The following SLIT3 variants were observed in gnomAD, a reference collection of about 807,000 sequenced individuals.
SLIT3 encodes slit guidance ligand 3.
SLIT3 carries 68 observed loss-of-function variants against 184.0 expected under a neutral mutation model. The ratio of observed to expected loss-of-function variants is 0.37; its 90% CI spans 0.30 to 0.45. The LOEUF (loss-of-function observed/expected upper bound fraction) is 0.45, where lower values mean the gene tolerates loss of function less well. SLIT3 is among the 20% of genes least tolerant of loss of function. SLIT3 has a pLI of 1.00. For missense variants in SLIT3, 1,707 were observed against 2,026.0 expected, an observed-to-expected ratio of 0.84 and a Z score of 3.02; for synonymous variants, 831 against 828.6, an observed-to-expected ratio of 1.00 and a Z score of -0.05.
At chr5:169,099,271 AAGAC>A (rs1227745650) in intron 4 of SLIT3, among the ~76,000 whole-genome samples, 1 of 152,076 alleles carries the variant, frequency 6.6e-6, no homozygotes, top group Non-Finnish European at 1.5e-5. Flanking sequence ...AGAAGCCCCC[AAGAC>A]AGTGGCCTTG....
intron 5 of SLIT3, among the ~76,000 whole-genome samples, chr5:168,881,101 CCTT>C (rs1359735474): frequency 1.8e-4 from 27 of 152,148 alleles, no homozygotes; most frequent in Admixed American, 4.6e-4. Flanking sequence ...ACTCCCCTTT[CCTT>C]CTTCCCCGCA....
chr5:168,984,801 A>T (rs987853847), intron 4 of SLIT3, among the ~76,000 whole-genome samples: 17 of 152,164 alleles, frequency 1.1e-4, no homozygotes, highest in Admixed American at 2.6e-4. Context: ...ATCACAGAAA[A>T]ACATCCCAAA....
At chr5:168,757,050 C>T (rs1436341343) in intron 16 of SLIT3, among the ~76,000 whole-genome samples, 2 of 152,340 alleles carry the variant, frequency 1.3e-5, no homozygotes, top group Non-Finnish European at 2.9e-5. Context: ...CTCGCAACTA[C>T]AGGCAGCAGT....
intron 3 of SLIT3, among the ~76,000 whole-genome samples, chr5:169,238,587 T>C (rs1390708093): frequency 6.9e-6 from 1 of 145,326 alleles, no homozygotes; most frequent in Non-Finnish European, 1.5e-5. Context: ...CTAGAGCTCA[T>C]TCTGGTTTTT....
intron 5 of SLIT3, among the ~76,000 whole-genome samples, chr5:168,852,677 T>C (rs927232799): frequency 6.6e-6 from 1 of 152,224 alleles, no homozygotes; most frequent in African/African-American, 2.4e-5. Flanking sequence ...TTGAATTTTT[T>C]CACATTTCTA....
intron 8 of SLIT3, among the ~76,000 whole-genome samples, chr5:168,814,488 A>G (rs996753467): frequency 1.3e-5 from 2 of 152,162 alleles, no homozygotes; most frequent in Non-Finnish European, 2.9e-5. Flanking sequence ...TGTGGGGCTC[A>G]GGCATTGGGG....
intron 4 of SLIT3, among the ~76,000 whole-genome samples, chr5:168,964,872 C>T (rs904474406): frequency 6.6e-6 from 1 of 152,112 alleles, no homozygotes; most frequent in Non-Finnish European, 1.5e-5. Flanking sequence ...CCACTAGGGC[C>T]CTTAATACAT....
At chr5:169,125,965 T>C (rs967515741) in intron 4 of SLIT3, among the ~76,000 whole-genome samples, 6 of 152,248 alleles carry the variant, frequency 3.9e-5, no homozygotes, top group Admixed American at 3.3e-4. Flanking sequence ...ACTAGGGCCC[T>C]AGAGATCACA....
Position 168,705,127 on chromosome 5 carries a change from T to C in SLIT3, c.2844+2849A>G, listed in dbSNP as rs1019557540. On this transcript the variant is annotated intron_variant, in intron 26 of 35. Coordinates refer to ENST00000519560, the MANE Select transcript of SLIT3 (RefSeq NM_003062.4). ...CTCTACTTGTCTCTAACCTGGAAAT[T>C]CAGACAGGTCCTAAATAGTCAGGGA... Among the ~76,000 whole-genome samples the C allele has an allele frequency of 3.9e-5, 6 of 152,134 alleles. No individual in the cohort carries two copies. In the East Asian group the frequency reaches 9.7e-4, roughly 24 times the overall value.
chr5:168,903,149 C>G (rs751715152), intron 4 of SLIT3, among the ~76,000 whole-genome samples: 1 of 152,236 alleles, frequency 6.6e-6, no homozygotes, highest in African/African-American at 2.4e-5. Flanking sequence ...TCAGCTAATT[C>G]ATATTTACAT....
intron 4 of SLIT3, among the ~76,000 whole-genome samples, chr5:169,061,113 C>T (rs34885163): frequency 0.041 from 6,298 of 152,260 alleles, 177 homozygotes; most frequent in Middle Eastern, 0.092. Flanking sequence ...TCCACTAGCA[C>T]GGTTCTAGAA....
At position 169,116,800 on chromosome 5, in the gene SLIT3, C is replaced by G. The variant is rs893448992; in HGVS notation, c.413+76679G>C. 2.6e-5 allele frequency among the ~76,000 whole-genome samples: 4 copies of G among 152,314 alleles called. No individual in the cohort carries two copies. The East Asian group carries it at 7.7e-4, about 29-fold the overall frequency. On this transcript the variant is annotated intron_variant, in intron 4 of 35. Transcript: ENST00000519560. ...CCAGTGCTGGGGAAAAGTCCTCAAG[C>G]ATGAAGGAGCCCCATGTCCTCTGAT...
chr5:168,841,498 C>T (rs1230434690), intron 6 of SLIT3, among the ~76,000 whole-genome samples: 1 of 152,180 alleles, frequency 6.6e-6, no homozygotes, highest in African/African-American at 2.4e-5. Flanking sequence ...TCCCTGTCCA[C>T]CATACTCTGC....
At chr5:168,954,804 G>A (rs1311431360) in intron 4 of SLIT3, among the ~76,000 whole-genome samples, 2 of 152,212 alleles carry the variant, frequency 1.3e-5, no homozygotes, top group Non-Finnish European at 2.9e-5. Context: ...GTTTAAAGAG[G>A]ACAGTTCTAG....
chr5:168,669,817 G>A lies in SLIT3; in HGVS notation c.4302C>T (p.Cys1434=). The change falls in exon 35 of 36, where the codon TGC becomes TGT. Residue 1434 remains cysteine (C), a synonymous_variant. Coordinates refer to ENST00000519560, the MANE Select transcript of SLIT3 (RefSeq NM_003062.4). The part of the protein sequence containing the change: ...ISDQGEPYCL[C]QPGFSGEHCQ... Reference sequence around the variant, plus strand: ...AGTGCTCGCCGCTAAAGCCGGGCTGGCACAGGCAGTAGGGCTCCCCTTGGT... The same window carrying A: ...AGTGCTCGCCGCTAAAGCCGGGCTGACACAGGCAGTAGGGCTCCCCTTGGT... The A allele has an allele frequency of 6.2e-7, 1 of 1,614,014 alleles. No homozygotes were observed. Among genetic ancestry groups the A allele is most frequent in the Non-Finnish European group, 8.5e-7 (1 of 1,180,034 alleles).
chr5:169,199,027 C>CAT (rs1466313415), intron 3 of SLIT3, among the ~76,000 whole-genome samples: 5 of 151,730 alleles, frequency 3.3e-5, no homozygotes, highest in South Asian at 2.1e-4. Context: ...CACACACACA[C>CAT]ACATACATAC....
Position 169,300,524 on chromosome 5 carries a change from G to T in SLIT3, c.186C>A (p.Asn62Lys), listed in dbSNP as rs1267653199. 2 of 1,506,224 alleles carry T rather than the reference G, an allele frequency of 1.3e-6. No homozygotes were observed. The highest frequency in any genetic ancestry group is 2.8e-5 in the East Asian group (1 of 36,262). 93.3% of individuals were successfully genotyped at this position (1,506,224 alleles called of 1,614,324 possible). Residue 62 changes from asparagine to lysine, a missense_variant, in exon 1 of 36, where the codon AAC becomes AAA. Physicochemically the swap from Asn to Lys is moderately conservative, Grantham distance 94. This residue lies in a region of SLIT3 where 1,307 missense variants were observed against 1,511.6 expected (regional missense o/e 0.86). Transcript: ENST00000519560. The surrounding 1 kb of genome is among the most constrained non-coding windows in gnomAD (Gnocchi z 4.1). ...GCAGGGGTACTCACAGGCGCTCAGC[G>T]TTGCGGGGGATGCCCCGAGGAACCG... is the stretch of plus-strand genomic sequence containing the variant. ...LRAVPRGIPR[N>K]AERLDLDRNN...
intron 33 of SLIT3, among the ~76,000 whole-genome samples, chr5:168,672,800 A>C (rs1761293717): frequency 6.6e-6 from 1 of 152,008 alleles, no homozygotes; most frequent in Admixed American, 6.5e-5. Context: ...CTTTGATTTT[A>C]ATCTCAAATT....
intron 4 of SLIT3, among the ~76,000 whole-genome samples, chr5:169,068,035 C>T (rs1758416992): frequency 6.6e-6 from 1 of 152,128 alleles, no homozygotes; most frequent in South Asian, 2.1e-4. Flanking sequence ...AATTAAAAGC[C>T]AGTCCTTAAG....
Sources: gnomAD v4.1 joint callset for allele counts (sites outside exome capture counted in the v4.1 genomes callset) on GRCh38, gnomAD v4.1.1 for gene constraint, gnomAD v4.1.1 regional missense constraint, Gnocchi (gnomAD v3.1) non-coding constraint, MANE v1.5 for transcripts, NCBI Gene and HGNC (gene_info 2026-07-23, HGNC 2026-07-21) for gene names.